The following ELP2 variants were observed in gnomAD, a reference collection of about 807,000 sequenced individuals.
The protein encoded by ELP2 is elongator complex protein 2.
A neutral mutation model predicts 119.2 loss-of-function variants in ELP2; 90 were observed. That is an observed-to-expected ratio of 0.75 (90% CI 0.64 to 0.90). The LOEUF (loss-of-function observed/expected upper bound fraction) is 0.90, where lower values mean the gene tolerates loss of function less well. Ranked by LOEUF, ELP2 falls within the 40% of genes least tolerant of loss-of-function variation. ELP2 has a pLI of 0.00. For synonymous variants in ELP2, 339 were observed against 331.0 expected (o/e 1.02, Z -0.26); for missense variants, 921 against 967.8 (o/e 0.95, Z 0.64).
At chr18:36,158,327 A>G (rs2090631158) in intron 13 of ELP2, among the ~76,000 whole-genome samples, 1 of 152,242 alleles carries the variant, frequency 6.6e-6, no homozygotes, top group South Asian at 2.1e-4. Context: ...TTTTCAAATG[A>G]CACTCATACG....
intron 13 of ELP2, among the ~76,000 whole-genome samples, chr18:36,157,059 C>T (rs1315167560): frequency 9.9e-5 from 15 of 152,062 alleles, no homozygotes. Flanking sequence ...CAGTTAATTG[C>T]TAAATCTTAT....
intron 11 of ELP2, among the ~76,000 whole-genome samples, chr18:36,147,099 T>C (rs1207337659): frequency 2.6e-5 from 4 of 151,072 alleles, no homozygotes; most frequent in South Asian, 2.1e-4. Flanking sequence ...TTTTTTTTTT[T>C]TTTCTTTTAA....
chr18:36,151,697 G>A (rs2090404741), intron 11 of ELP2, among the ~76,000 whole-genome samples: 1 of 149,742 alleles, frequency 6.7e-6, no homozygotes, highest in South Asian at 2.1e-4. Context: ...CTGAAGAAAT[G>A]ATGGTTGGGC....
At chr18:36,133,186 AT>A (rs2089694827) in intron 1 of ELP2, 51 bp from the exon 2 acceptor site, 2 of 1,242,420 alleles carry the variant, frequency 1.6e-6, no homozygotes, top group Non-Finnish European at 2.4e-6. Context: ...TTATTTATTA[AT>A]TTTTCTGTAG....
intron 2 of ELP2, among the ~76,000 whole-genome samples, chr18:36,135,712 TG>T (rs1288252016): frequency 6.6e-6 from 1 of 152,206 alleles, no homozygotes; most frequent in Non-Finnish European, 1.5e-5. Flanking sequence ...TTTCATATAA[TG>T]TTCCTGCCAA....
intron 1 of ELP2, among the ~76,000 whole-genome samples, chr18:36,130,783 C>T (rs1476024899): frequency 1.3e-5 from 2 of 152,128 alleles, no homozygotes; most frequent in Non-Finnish European, 2.9e-5. Flanking sequence ...AAAGGAGGCT[C>T]AGTGTAAAAA....
intron 9 of ELP2, chr18:36,145,345 C>T: frequency 2.8e-6 from 1 of 362,454 alleles, no homozygotes; most frequent in Non-Finnish European, 5.3e-6. Context: ...TTCAAGCCAA[C>T]TTCACTGGAT....
chr18:36,174,650 A>G lies in ELP2; in HGVS notation c.*9A>G, dbSNP rs1219726020. 6.2e-7 allele frequency: 1 copy of G among 1,613,446 alleles called. No homozygotes were observed. The highest frequency in any genetic ancestry group is 1.1e-5 in the South Asian group (1 of 91,054). ...ATAAATGTGCACTGTAATGGACTTA[A>G]TAACTACATGCTTGCAGTCACTGGT... On this transcript the variant is annotated 3_prime_UTR_variant, in exon 22 of 22. Transcript: ENST00000358232.
intron 16 of ELP2, among the ~76,000 whole-genome samples, chr18:36,160,650 C>T (rs1188043866): frequency 6.6e-6 from 1 of 150,400 alleles, no homozygotes; most frequent in Non-Finnish European, 1.5e-5. Context: ...CTGATGAAGA[C>T]TTTTCCATGT....
intron 11 of ELP2, among the ~76,000 whole-genome samples, chr18:36,149,844 C>T (rs1306543654): frequency 3.3e-5 from 5 of 151,990 alleles, no homozygotes; most frequent in East Asian, 1.9e-4. Context: ...TTTAGACAAC[C>T]GATGTTTCAA....
chr18:36,131,329 G>A (rs996711458), intron 1 of ELP2, among the ~76,000 whole-genome samples: 1 of 152,226 alleles, frequency 6.6e-6, no homozygotes, highest in African/African-American at 2.4e-5. Flanking sequence ...AAAAACAAGG[G>A]TAAACTTTAA....
rs549359027 is a variant in ELP2, at chr18:36,134,124, C to T, written c.217+808C>T. On this transcript the variant is annotated intron_variant, in intron 2 of 21. Coordinates refer to ENST00000358232, the MANE Select transcript of ELP2 (RefSeq NM_018255.4). ...GGATTACAGGATTAGCTACTGTACC[C>T]GGCCAGCTATTGCTTTTTTAGGCAA... is the stretch of plus-strand genomic sequence containing the variant. Among the ~76,000 whole-genome samples the T allele has an allele frequency of 8.6e-5, 13 of 151,998 alleles. No homozygotes were observed. The East Asian group carries it at 9.6e-4, about 11-fold the overall frequency.
At position 36,130,065 on chromosome 18, in the gene ELP2, C is replaced by T. The variant is rs1199762521; in HGVS notation, c.132C>T (p.Asp44=). 6 of 1,614,042 alleles carry T rather than the reference C, an allele frequency of 3.7e-6. No homozygotes were observed. The African/African-American group carries it at 4.0e-5, about 11-fold the overall frequency. ...FGTSCSVVLY[D]PLKRVVVTNL... ...CGTCCTGCTCCGTGGTGCTCTATGA[C>T]CCCCTGGTAAGAGAGGTCGCTGGAC... The change falls in exon 1 of 22, where the codon GAC becomes GAT. Residue 44 remains aspartate (D), a synonymous_variant. Transcript: ENST00000358232.
At chr18:36,143,035 C>T (rs2090085731) in intron 8 of ELP2, 69 bp downstream of exon 8, 1 of 1,097,102 alleles carries the variant, frequency 9.1e-7, no homozygotes, top group South Asian at 1.4e-5. Flanking sequence ...TTTTTTTCAC[C>T]ACCCACCTAT....
chr18:36,168,913 C>CTTTTT (rs61459855), intron 19 of ELP2, among the ~76,000 whole-genome samples: 1 of 69,258 alleles, frequency 1.4e-5, no homozygotes, highest in African/African-American at 6.1e-5. Context: ...CTCTCCATTT[C>CTTTTT]TTTTTTTTTT....
At chr18:36,142,735 C>A in intron 7 of ELP2, 91 bp from the exon 8 acceptor site, 3 of 834,216 alleles carry the variant, frequency 3.6e-6, no homozygotes, top group South Asian at 1.7e-5. Flanking sequence ...TCTGGAAAAT[C>A]TGGAAATATA....
chr18:36,143,421 CTTTTTTTTT>C (rs67196641), intron 8 of ELP2, among the ~76,000 whole-genome samples: 1 of 98,022 alleles, frequency 1.0e-5, no homozygotes, highest in African/African-American at 3.9e-5. Context: ...CGTGCCTGGC[CTTTTTTTTT>C]TTTTTTTTTT....
chr18:36,166,524 G>T (rs537986879), intron 18 of ELP2, among the ~76,000 whole-genome samples: 1 of 151,368 alleles, frequency 6.6e-6, no homozygotes, highest in Middle Eastern at 3.4e-3. Context: ...TAGAGACGGG[G>T]TTTCATCATG....
At chr18:36,168,439 A>C (rs1892132582) in intron 19 of ELP2, among the ~76,000 whole-genome samples, 1 of 152,218 alleles carries the variant, frequency 6.6e-6, no homozygotes, top group Non-Finnish European at 1.5e-5. Flanking sequence ...ATTGACTCAC[A>C]GTTCCTCAGG....
Sources: allele counts gnomAD v4.1 joint callset (sites outside exome capture counted in the v4.1 genomes callset), GRCh38; gene constraint gnomAD v4.1.1; transcripts MANE v1.5; gene names NCBI Gene and HGNC (gene_info 2026-07-23, HGNC 2026-07-21).